SSX7: variants seen among roughly 807,000 people sequenced by gnomAD.
SSX7 encodes SSX family member 7.
SSX7 carries 15 observed loss-of-function variants against 14.7 expected under a neutral mutation model. The ratio of observed to expected loss-of-function variants is 1.02; its 90% CI spans 0.68 to 1.58. SSX7 has a LOEUF of 1.58. SSX7 is among the 40% of genes most tolerant of loss of function. SSX7 has a pLI of 0.00. For synonymous variants in SSX7, 46 were observed against 50.6 expected (o/e 0.91, Z 0.38); for missense variants, 178 against 146.8 (o/e 1.21, Z -1.10).
rs782020297 is a variant in SSX7 at position 52,653,392 on chromosome X, A to C, written c.69+12T>G. The C allele has an allele frequency of 1.2e-5, 15 of 1,211,015 alleles. No homozygotes were observed. In the Admixed American group the frequency reaches 3.3e-4, roughly 26 times the overall value. On this transcript the variant is annotated intron_variant, in intron 2 of 7. Coordinates refer to ENST00000298181, the MANE Select transcript of SSX7 (RefSeq NM_173358.2). Reference sequence around the variant, plus strand: ...CCTGGGCCACTACTCTGCTCCCTCCAGGTCACCTCACCTTTTGGATCTTCT... The same window carrying C: ...CCTGGGCCACTACTCTGCTCCCTCCCGGTCACCTCACCTTTTGGATCTTCT...
chrX:52,648,751 G>A (rs781834188), intron 5 of SSX7, among the ~76,000 whole-genome samples: 10 of 111,821 alleles, frequency 8.9e-5, no homozygotes, highest in Non-Finnish European at 1.9e-4. Context: ...AAATACAAGG[G>A]ATCTCATATA....
At chrX:52,648,525 C>A (rs1484650427) in intron 5 of SSX7, 129 bp from the exon 6 acceptor site, 1 of 1,016,020 alleles carries the variant, frequency 9.8e-7, no homozygotes, top group Non-Finnish European at 1.3e-6. Flanking sequence ...GTTACACATG[C>A]CTAAATTAGG....
At chrX:52,647,395 T>A (rs1556766458) in intron 6 of SSX7, among the ~76,000 whole-genome samples, 1 of 112,710 alleles carries the variant, frequency 8.9e-6, no homozygotes, top group Non-Finnish European at 1.9e-5. Context: ...AGATGCCTTC[T>A]AGGACTTTCA....
At chrX:52,653,923 G>A (rs1925518882) in intron 1 of SSX7, among the ~76,000 whole-genome samples, 1 of 111,324 alleles carries the variant, frequency 9.0e-6, no homozygotes, top group Non-Finnish European at 1.9e-5. Context: ...TCGTCTCTCT[G>A]GTGATGGATC....
rs1309028185 is a variant in SSX7, at chrX:52,654,763, C to CT, written c.-23dup. Reference sequence around the variant, plus strand: ...AAGAGAAAATCAGACCGTGCGTACTCTGAGTATGGAAGAATCGAGAGAGAA... The same window carrying CT: ...AAGAGAAAATCAGACCGTGCGTACTCTTGAGTATGGAAGAATCGAGAGAGAA... On this transcript the variant is annotated splice_region_variant and 5_prime_UTR_variant, in exon 1 of 8. Coordinates refer to ENST00000298181, the MANE Select transcript of SSX7 (RefSeq NM_173358.2). 1 of 111,543 alleles carries CT rather than the reference C, an allele frequency of 9.0e-6. No homozygotes were observed. Among genetic ancestry groups the CT allele is most frequent in the Non-Finnish European group, 1.9e-5 (1 of 53,292 alleles). 9.2% of individuals were successfully genotyped at this position (111,543 alleles called of 1,213,427 possible).
chrX:52,649,303 A>T (rs1344065780), intron 5 of SSX7, among the ~76,000 whole-genome samples: 5 of 111,713 alleles, frequency 4.5e-5, no homozygotes, highest in Non-Finnish European at 9.4e-5. Flanking sequence ...TGCTGGGATT[A>T]CAGTCGCTAG....
Position 52,644,567 on chromosome X carries a change from C to T in SSX7, c.*108G>A, listed in dbSNP as rs1423433663. 1 of 1,123,947 alleles carries T rather than the reference C, an allele frequency of 8.9e-7. No individual in the cohort carries two copies. The highest frequency in any genetic ancestry group is 1.8e-5 in the African/African-American group (1 of 55,094). 92.6% of individuals were successfully genotyped at this position (1,123,947 alleles called of 1,213,427 possible). A position where few individuals can be genotyped will look rare whatever the true frequency, so the allele number is the denominator to read the frequency against. ...TTTCACTGTTGTGAACACTTGCTTT[C>T]ACTTGCTATGCACCTGATGACGAGG... On this transcript the variant is annotated 3_prime_UTR_variant, in exon 8 of 8. Coordinates refer to ENST00000298181, the MANE Select transcript of SSX7 (RefSeq NM_173358.2).
Position 52,648,287 on chromosome X carries a change from G to A in SSX7, c.440C>T (p.Thr147Ile). 8.3e-7 allele frequency: 1 copy of A among 1,211,194 alleles called. No homozygotes were observed. The highest frequency in any genetic ancestry group is 1.1e-6 in the Non-Finnish European group (1 of 895,320). Reference protein sequence around the residue: ...KHLCPPGKPSTSEKINKTSGP... With the variant: ...KHLCPPGKPSISEKINKTSGP... ...GGATGTCTTGTTAATCTTCTCAGAGGTACTTGGTTTTCCTGGAGGGCACAG... is the reference window on the plus strand; with the variant it reads ...GGATGTCTTGTTAATCTTCTCAGAGATACTTGGTTTTCCTGGAGGGCACAG... The change falls in exon 6 of 8, where the codon ACC becomes ATC. Residue 147 changes from threonine to isoleucine, a missense_variant. Thr to Ile is a moderately conservative substitution (Grantham distance 89). Coordinates refer to ENST00000298181, the MANE Select transcript of SSX7 (RefSeq NM_173358.2).
In SSX7 at chrX:52,652,930, A is replaced by G. The variant is rs1556767224; in HGVS notation, c.124T>C (p.Ser42Pro). The change falls in exon 3 of 8, where the codon TCC (serine) becomes CCC (proline). Residue 42 changes from serine (S) to proline (P), a missense_variant. Ser to Pro is a moderately conservative substitution (Grantham distance 74). Transcript: ENST00000298181. ...FSKKEWEKMK[S>P]LEKISYVYMK... ...TACACATAGCTGATTTTCTCCAAGG[A>G]TTTCATCTTTTCCCACTCTTTCTTA... The G allele has an allele frequency of 8.3e-7, 1 of 1,204,205 alleles. No individual in the cohort carries two copies. The highest frequency in any genetic ancestry group is 1.1e-6 in the Non-Finnish European group (1 of 890,434).
At chrX:52,653,831 A>G (rs1253313844) in intron 1 of SSX7, among the ~76,000 whole-genome samples, 1 of 110,507 alleles carries the variant, frequency 9.0e-6, no homozygotes, top group Admixed American at 9.7e-5. Context: ...CAGAGATGTG[A>G]CTGTGTAATT....
intron 6 of SSX7, among the ~76,000 whole-genome samples, chrX:52,645,795 G>A (rs1269671694): frequency 9.0e-6 from 1 of 111,129 alleles, no homozygotes; most frequent in African/African-American, 3.3e-5. Flanking sequence ...TCACTTACGG[G>A]AACATCCACC....
intron 6 of SSX7, among the ~76,000 whole-genome samples, chrX:52,645,836 A>C (rs1925228884): frequency 9.1e-6 from 1 of 110,206 alleles, no homozygotes. Context: ...ACGTGTTTTT[A>C]TTGAGGGCAC....
Position 52,652,324 on chromosome X carries a change from A to G in SSX7, c.208T>C (p.Phe70Leu). 1.7e-6 allele frequency: 2 copies of G among 1,208,064 alleles called. No homozygotes were observed. The highest frequency in any genetic ancestry group is 1.1e-6 in the Non-Finnish European group (1 of 893,153). Residue 70 changes from phenylalanine (F) to leucine (L), a missense_variant, in exon 4 of 8, where the codon TTC becomes CTC. Coordinates refer to ENST00000298181, the MANE Select transcript of SSX7 (RefSeq NM_173358.2). ...KLGFKATLPP[F>L]MHNTGATDLQ... ...TCTGTGGCCCCTGTATTATGCATGA[A>G]AGGTGGGAGGGTGGCCTTGAAGCCT...
intron 6 of SSX7, among the ~76,000 whole-genome samples, chrX:52,646,353 G>A (rs782478849): frequency 8.9e-6 from 1 of 112,714 alleles, no homozygotes; most frequent in African/African-American, 3.2e-5. Flanking sequence ...GTGAGCCACG[G>A]CGCCCGTCCG....
chrX:52,653,986 G>A (rs1556767416), intron 1 of SSX7, among the ~76,000 whole-genome samples: 1 of 111,142 alleles, frequency 9.0e-6, no homozygotes. Flanking sequence ...AATGAGCATG[G>A]CTAATATGAA....
intron 1 of SSX7, among the ~76,000 whole-genome samples, chrX:52,653,999 G>A (rs1765459164): frequency 1.8e-5 from 2 of 111,273 alleles, no homozygotes; most frequent in African/African-American, 3.3e-5. Flanking sequence ...AATATGAACG[G>A]ATTTAGAGGC....
rs782615540 is a variant in SSX7, at chrX:52,645,128, G to A, written c.*4+311C>T. 3.6e-4 allele frequency among the ~76,000 whole-genome samples: 40 copies of A among 110,730 alleles called. 1 individual carries two copies. Among genetic ancestry groups the A allele is most frequent in the Admixed American group, 3.6e-3 (37 of 10,371 alleles). Reference sequence around the variant, plus strand: ...ACCAAAAATACAAAAAAAATTACCCGGGCGTGGTGGCGGGCACTTGTAGTC... The same window carrying A: ...ACCAAAAATACAAAAAAAATTACCCAGGCGTGGTGGCGGGCACTTGTAGTC... On this transcript the variant is annotated intron_variant, in intron 7 of 7. Transcript: ENST00000298181.
chrX:52,654,808 T>C lies in SSX7; in HGVS notation c.-67A>G, dbSNP rs1925551547. The C allele has an allele frequency of 8.9e-6, 1 of 112,677 alleles. No individual in the cohort carries two copies. Among genetic ancestry groups the C allele is most frequent in the Non-Finnish European group, 1.9e-5 (1 of 53,912 alleles). 9.3% of individuals were successfully genotyped at this position (112,677 alleles called of 1,213,427 possible). On this transcript the variant is annotated 5_prime_UTR_variant, in exon 1 of 8. Transcript: ENST00000298181. ...AGAGAAAGTCAGAGCATGCATACTC[T>C]GAACTTAAAGTAGCCAATCCCAGGG...
chrX:52,645,708 C>T (rs1360096672), intron 6 of SSX7, among the ~76,000 whole-genome samples, 165 bp from the exon 7 acceptor site: 3 of 110,605 alleles, frequency 2.7e-5, no homozygotes, highest in African/African-American at 9.9e-5. Flanking sequence ...CTTAGACCCA[C>T]ACCAATACAG....
Sources: gnomAD v4.1 joint callset for allele counts (sites outside exome capture counted in the v4.1 genomes callset) on GRCh38, gnomAD v4.1.1 for gene constraint, MANE v1.5 for transcripts, NCBI Gene and HGNC (gene_info 2026-07-23, HGNC 2026-07-21) for gene names.